The following POLR3B variants were observed in gnomAD, a reference collection of about 807,000 sequenced individuals.
POLR3B encodes RNA polymerase III subunit B.
Under a neutral mutation model 147.4 loss-of-function variants are expected in POLR3B, and 96 were observed. The observed-to-expected ratio is 0.65, with a 90% CI of 0.55 to 0.77. The LOEUF is 0.77. Ranked by LOEUF, POLR3B falls within the 30% of genes least tolerant of loss-of-function variation. The probability of loss-of-function intolerance (pLI) is 0.00; values close to 1 mark genes in which losing one functional copy is unlikely to be tolerated. For missense variants in POLR3B, 1,036 were observed against 1,413.5 expected (o/e 0.73, Z 4.28); for synonymous variants, 461 against 485.9 (o/e 0.95, Z 0.67).
chr12:106,496,246 A>G, intron 24 of POLR3B, 88 bp downstream of exon 24: 1 of 855,522 alleles, frequency 1.2e-6, no homozygotes, highest in Admixed American at 1.7e-5. Flanking sequence ...GGTGACGAGG[A>G]CTCTGAAGCT....
At chr12:106,373,494 C>G (rs949932075) in intron 6 of POLR3B, among the ~76,000 whole-genome samples, 5 of 152,090 alleles carry the variant, frequency 3.3e-5, no homozygotes, top group African/African-American at 4.8e-5. Context: ...TGGCTCACAC[C>G]TGTAATCCCA....
chr12:106,495,014 A>G lies in POLR3B; in HGVS notation c.2714-1041A>G, dbSNP rs115882851. Among the ~76,000 whole-genome samples the G allele has an allele frequency of 5.1e-3, 776 of 152,362 alleles. 8 individuals are homozygous for G. The highest frequency in any genetic ancestry group is 0.018 in the African/African-American group (747 of 41,584). On this transcript the variant is annotated intron_variant, in intron 23 of 27. Coordinates refer to ENST00000228347, the MANE Select transcript of POLR3B (RefSeq NM_018082.6). Reference sequence around the variant, plus strand: ...AATCAAATTGAATGAAATATTTGAGAGCAGTTTCTTTGCAATAGGGGCAGA... The same window carrying G: ...AATCAAATTGAATGAAATATTTGAGGGCAGTTTCTTTGCAATAGGGGCAGA...
chr12:106,445,075 C>T (rs1041715129), intron 19 of POLR3B, among the ~76,000 whole-genome samples: 1 of 152,194 alleles, frequency 6.6e-6, no homozygotes, highest in Admixed American at 6.5e-5. Flanking sequence ...TAAAACTTAT[C>T]CAATTCATGT....
chr12:106,397,142 C>T (rs1353869838), intron 10 of POLR3B, among the ~76,000 whole-genome samples: 1 of 150,278 alleles, frequency 6.7e-6, no homozygotes, highest in Non-Finnish European at 1.5e-5. Flanking sequence ...AAAAAAAGCA[C>T]ATTGTTGTTC....
chr12:106,461,980 A>G (rs978573635), intron 22 of POLR3B, among the ~76,000 whole-genome samples: 1 of 152,206 alleles, frequency 6.6e-6, no homozygotes, highest in African/African-American at 2.4e-5. Context: ...AGTGGTCCCA[A>G]ACAGGCTCCT....
chr12:106,449,325 G>A (rs7309020), intron 19 of POLR3B, among the ~76,000 whole-genome samples: 51,235 of 152,000 alleles, frequency 0.34, 11,504 homozygotes, highest in African/African-American at 0.64. Context: ...AAAGTTTCTG[G>A]TTTAGGAGCA....
intron 12 of POLR3B, among the ~76,000 whole-genome samples, chr12:106,413,775 C>G (rs1358492781): frequency 6.6e-6 from 1 of 151,712 alleles, no homozygotes; most frequent in Non-Finnish European, 1.5e-5. Flanking sequence ...TTTTTCTGTT[C>G]TCTTTTTTCT....
chr12:106,418,424 A>T (rs573244647), intron 12 of POLR3B, among the ~76,000 whole-genome samples: 1 of 152,288 alleles, frequency 6.6e-6, no homozygotes, highest in Non-Finnish European at 1.5e-5. Flanking sequence ...TAATGTAATT[A>T]AGGCTGCCTA....
chr12:106,480,191 G>A (rs546750112), intron 23 of POLR3B, among the ~76,000 whole-genome samples: 5 of 152,050 alleles, frequency 3.3e-5, no homozygotes, highest in East Asian at 1.9e-4. Flanking sequence ...TCTATCTCTC[G>A]ATAGGATTTT....
chr12:106,382,296 A>G (rs1441288514), intron 9 of POLR3B, among the ~76,000 whole-genome samples: 2 of 152,170 alleles, frequency 1.3e-5, no homozygotes, highest in African/African-American at 4.8e-5. Flanking sequence ...AGAAGGATGA[A>G]GCTCCATCTT....
In POLR3B at chr12:106,463,561, T is replaced by C; in HGVS notation, c.2654T>C (p.Leu885Pro). The C allele has an allele frequency of 6.2e-7, 1 of 1,613,680 alleles. No homozygotes were observed. Among genetic ancestry groups the C allele is most frequent in the Non-Finnish European group, 8.5e-7 (1 of 1,179,622 alleles). ...GATGCTTTTCTGATCAAAATGCTGC[T>C]GAGACAGACAAGGCGTCCAGAAATT... ...AEDAFLIKMLLRQTRRPEIGD... is the reference protein window; with the variant it reads ...AEDAFLIKMLPRQTRRPEIGD... Residue 885 changes from leucine to proline, a missense_variant, in exon 23 of 28, where the codon CTG (leucine) becomes CCG (proline). Physicochemically the swap from Leu to Pro is moderately conservative, Grantham distance 98. Transcript: ENST00000228347.
chr12:106,505,830 A>G (rs1486914604), intron 27 of POLR3B, among the ~76,000 whole-genome samples: 1 of 152,202 alleles, frequency 6.6e-6, no homozygotes, highest in African/African-American at 2.4e-5. Flanking sequence ...ACAGAGCCTC[A>G]ACTTCTTGCC....
chr12:106,431,665 A>G (rs1201801539), intron 14 of POLR3B, among the ~76,000 whole-genome samples: 1 of 152,262 alleles, frequency 6.6e-6, no homozygotes, highest in African/African-American at 2.4e-5. Context: ...TTATGTAACC[A>G]TAGCACTGTT....
At chr12:106,386,389 C>T (rs1483104089) in intron 9 of POLR3B, among the ~76,000 whole-genome samples, 3 of 150,734 alleles carry the variant, frequency 2.0e-5, no homozygotes, top group African/African-American at 7.3e-5. Flanking sequence ...AGAATTACAT[C>T]TCCAGCAGAG....
intron 9 of POLR3B, among the ~76,000 whole-genome samples, chr12:106,391,811 A>G (rs987859857): frequency 1.6e-4 from 25 of 152,184 alleles, no homozygotes; most frequent in Admixed American, 1.4e-3. Flanking sequence ...CTGCATTGGA[A>G]CTTGGGATTT....
chr12:106,403,547 C>T (rs1175639595), intron 10 of POLR3B, among the ~76,000 whole-genome samples: 1 of 151,972 alleles, frequency 6.6e-6, no homozygotes, highest in Non-Finnish European at 1.5e-5. Flanking sequence ...ATAGCAAAGA[C>T]TTAGAATCAA....
chr12:106,443,972 G>A (rs1030708267), intron 18 of POLR3B, among the ~76,000 whole-genome samples: 8 of 151,828 alleles, frequency 5.3e-5, no homozygotes, highest in African/African-American at 1.5e-4. Context: ...CTACAGGTGG[G>A]TGCCACCACA....
intron 16 of POLR3B, among the ~76,000 whole-genome samples, chr12:106,434,695 C>T (rs1490875545): frequency 2.6e-5 from 4 of 151,968 alleles, no homozygotes; most frequent in Non-Finnish European, 4.4e-5. Context: ...GTGTATACCT[C>T]GGGTAGTGTT....
At chr12:106,446,914 A>AG (rs545110707) in intron 19 of POLR3B, among the ~76,000 whole-genome samples, 1,792 of 152,324 alleles carry the variant, frequency 0.012, 6 homozygotes, top group Non-Finnish European at 0.018. Context: ...AAATGACAAA[A>AG]GGAAAAAGGT....
Sources: allele counts gnomAD v4.1 joint callset (sites outside exome capture counted in the v4.1 genomes callset), GRCh38; gene constraint gnomAD v4.1.1; transcripts MANE v1.5; gene names NCBI Gene and HGNC (gene_info 2026-07-23, HGNC 2026-07-21).